NKAIN2: variants seen among roughly 807,000 people sequenced by gnomAD.
NKAIN2 encodes the protein sodium/potassium-transporting ATPase subunit beta-1-interacting protein 2.
A neutral mutation model predicts 32.6 loss-of-function variants in NKAIN2; 14 were observed. The ratio of observed to expected loss-of-function variants is 0.43; its 90% CI spans 0.28 to 0.67. NKAIN2 has a LOEUF of 0.67. Among genes scored for constraint, NKAIN2 ranks in the 30% least tolerant of loss-of-function variants. NKAIN2 has a pLI of 0.17. For synonymous variants in NKAIN2, 80 were observed against 87.2 expected (o/e 0.92, Z 0.46); for missense variants, 198 against 258.3 (o/e 0.77, Z 1.60).
intron 1 of NKAIN2, among the ~76,000 whole-genome samples, chr6:124,186,662 C>A (rs1789756729): frequency 6.6e-6 from 1 of 152,268 alleles, no homozygotes; most frequent in Non-Finnish European, 1.5e-5. Context: ...GTTTTCTACC[C>A]TAACCAATAC....
chr6:124,664,679 A>G (rs927481620), intron 4 of NKAIN2, among the ~76,000 whole-genome samples: 2 of 148,550 alleles, frequency 1.3e-5, no homozygotes, highest in Non-Finnish European at 3.0e-5. Context: ...CTGTAGTCCC[A>G]GCTACTTGGG....
chr6:124,312,232 T>C (rs1264986388), intron 2 of NKAIN2, among the ~76,000 whole-genome samples: 1 of 152,178 alleles, frequency 6.6e-6, no homozygotes, highest in Non-Finnish European at 1.5e-5. Context: ...TGACTTAATG[T>C]GCAGAGATTT....
intron 1 of NKAIN2, among the ~76,000 whole-genome samples, chr6:123,937,762 G>A (rs1269167212): frequency 6.6e-6 from 1 of 152,022 alleles, no homozygotes; most frequent in Non-Finnish European, 1.5e-5. Context: ...CAATTTGTTT[G>A]GGGTATCAAT....
rs538818291 is a variant in NKAIN2, at chr6:123,850,402, C to T, written c.54+46148C>T. On this transcript the variant is annotated intron_variant, in intron 1 of 6. Transcript: ENST00000368417. ...CACACACACGTATATATTTTTTTCC[C>T]CTCCAAGCTAAGGGCTACTGGTGGG... Among the ~76,000 whole-genome samples the T allele has an allele frequency of 9.8e-4, 147 of 149,808 alleles. 2 individuals carry two copies. The highest frequency in any genetic ancestry group is 3.5e-3 in the African/African-American group (143 of 40,768).
intron 1 of NKAIN2, among the ~76,000 whole-genome samples, chr6:124,278,717 AATAT>A (rs1312707974): frequency 1.4e-5 from 2 of 141,092 alleles, no homozygotes; most frequent in Non-Finnish European, 1.5e-5. Context: ...GAAAACATGA[AATAT>A]ATATATAGCA....
chr6:124,780,485 G>T (rs907827696), intron 4 of NKAIN2, among the ~76,000 whole-genome samples: 1 of 152,120 alleles, frequency 6.6e-6, no homozygotes, highest in African/African-American at 2.4e-5. Flanking sequence ...GTTGGACAGA[G>T]AAATGCCTTA....
intron 1 of NKAIN2, among the ~76,000 whole-genome samples, chr6:123,810,451 G>T (rs537336828): frequency 7.9e-5 from 12 of 152,170 alleles, no homozygotes; most frequent in South Asian, 2.1e-4. Flanking sequence ...GTAATCTTGG[G>T]GTTTGACAAC....
rs547699499 is a variant in NKAIN2, at chr6:124,420,848, T to A, written c.273+65501T>A. Among the ~76,000 whole-genome samples the A allele has an allele frequency of 2.6e-5, 4 of 152,166 alleles. No individual in the cohort carries two copies. In the East Asian group the frequency reaches 7.7e-4, roughly 29 times the overall value. The stretch of plus-strand genomic sequence containing the variant: ...TATAATTATTTTTTAATACTCAGGA[T>A]AAAATTATCACTACAAATTCTACTC... On this transcript the variant is annotated intron_variant, in intron 3 of 6. Transcript: ENST00000368417.
At chr6:124,171,384 TAAAAG>T (rs1788846337) in intron 1 of NKAIN2, among the ~76,000 whole-genome samples, 1 of 152,048 alleles carries the variant, frequency 6.6e-6, no homozygotes, top group African/African-American at 2.4e-5. Flanking sequence ...GACATAAGAA[TAAAAG>T]ATATAAGTTA....
intron 1 of NKAIN2, among the ~76,000 whole-genome samples, chr6:124,251,775 T>C (rs1484229117): frequency 6.6e-6 from 1 of 152,062 alleles, no homozygotes; most frequent in Admixed American, 6.6e-5. Flanking sequence ...CTGATAGGAA[T>C]TCAAATTGAT....
chr6:124,056,186 T>C (rs1199966014), intron 1 of NKAIN2, among the ~76,000 whole-genome samples: 1 of 151,848 alleles, frequency 6.6e-6, no homozygotes, highest in Non-Finnish European at 1.5e-5. Context: ...TTTAGCTTTG[T>C]GCTGATGCCT....
chr6:124,660,028 G>C (rs752837916), intron 4 of NKAIN2, among the ~76,000 whole-genome samples: 13 of 152,070 alleles, frequency 8.5e-5, no homozygotes, highest in Non-Finnish European at 1.8e-4. Context: ...AGTTAGACTT[G>C]ACAGGATGGA....
chr6:124,566,192 G>C (rs895959823), intron 3 of NKAIN2, among the ~76,000 whole-genome samples: 2 of 152,172 alleles, frequency 1.3e-5, no homozygotes, highest in Non-Finnish European at 2.9e-5. Flanking sequence ...ACTAATTTTA[G>C]TGTTACTTTC....
At chr6:124,074,048 C>T (rs1010596552) in intron 1 of NKAIN2, among the ~76,000 whole-genome samples, 1 of 152,072 alleles carries the variant, frequency 6.6e-6, no homozygotes, top group Non-Finnish European at 1.5e-5. Context: ...TGATGCAAGG[C>T]AAAATCAGAA....
intron 1 of NKAIN2, among the ~76,000 whole-genome samples, chr6:124,204,717 A>G (rs1790769878): frequency 6.6e-6 from 1 of 151,724 alleles, no homozygotes; most frequent in Admixed American, 6.6e-5. Context: ...GATTGCTAGC[A>G]TATTCTAGGT....
chr6:124,139,859 A>G (rs1284818261), intron 1 of NKAIN2, among the ~76,000 whole-genome samples: 1 of 152,220 alleles, frequency 6.6e-6, no homozygotes, highest in Admixed American at 6.5e-5. Context: ...CTTGGAAAAT[A>G]CAAGTTGGTT....
chr6:123,928,450 T>A lies in NKAIN2; in HGVS notation c.54+124196T>A, dbSNP rs375245657. 8.1e-4 allele frequency among the ~76,000 whole-genome samples: 123 copies of A among 152,286 alleles called. 1 individual carries two copies. The South Asian group carries it at 0.025, about 31-fold the overall frequency. The stretch of plus-strand genomic sequence containing the variant: ...AATGAAATAAAGTGTGACGATCCTT[T>A]ATGTTGTATAGATAATGATGTAGAC... On this transcript the variant is annotated intron_variant, in intron 1 of 6. Coordinates refer to ENST00000368417, the MANE Select transcript of NKAIN2 (RefSeq NM_001040214.3).
chr6:124,760,521 A>C (rs944138942), intron 4 of NKAIN2, among the ~76,000 whole-genome samples: 1 of 151,868 alleles, frequency 6.6e-6, no homozygotes, highest in Non-Finnish European at 1.5e-5. Flanking sequence ...TTCCAGAACA[A>C]TCTTTCCTCA....
chr6:124,719,430 A>G (rs1199995936), intron 4 of NKAIN2, among the ~76,000 whole-genome samples: 1 of 152,192 alleles, frequency 6.6e-6, no homozygotes, highest in African/African-American at 2.4e-5. Context: ...GCAATCATCA[A>G]TGACTTCTTC....
Sources: gnomAD v4.1 joint callset for allele counts (sites outside exome capture counted in the v4.1 genomes callset) on GRCh38, gnomAD v4.1.1 for gene constraint, MANE v1.5 for transcripts, NCBI Gene and HGNC (gene_info 2026-07-23, HGNC 2026-07-21) for gene names.